Variants in TADA2A observed in about 807,000 individuals in gnomAD.
TADA2A encodes the protein transcriptional adapter 2-alpha.
TADA2A carries 38 observed loss-of-function variants against 67.4 expected under a neutral mutation model. The observed-to-expected ratio is 0.56, with a 90% CI of 0.44 to 0.74. The LOEUF is 0.74. Among genes scored for constraint, TADA2A ranks in the 30% least tolerant of loss-of-function variants. The pLI is 0.00. For synonymous variants in TADA2A, 192 were observed against 181.6 expected (o/e 1.06, Z -0.46); for missense variants, 454 against 547.0 (o/e 0.83, Z 1.70).
chr17:37,455,710 C>A (rs2053373651), intron 8 of TADA2A, among the ~76,000 whole-genome samples: 1 of 152,138 alleles, frequency 6.6e-6, no homozygotes, highest in Non-Finnish European at 1.5e-5. Context: ...ATACACATTT[C>A]ATTTTCAATT....
rs781116439 is a variant in TADA2A, at chr17:37,470,439, A to G, written c.935A>G (p.Glu312Gly). ...TYDHLKKTREEERLKRTMLSE... is the reference protein window; with the variant it reads ...TYDHLKKTREGERLKRTMLSE... ...GATCACCTCAAGAAGACACGGGAGG[A>G]AGAGCGCCTTAAACGCACTATGCTC... The change falls in exon 13 of 16, where the codon GAA becomes GGA. Residue 312 changes from glutamate (E) to glycine (G), a missense_variant. Glu to Gly is a moderately conservative substitution (Grantham distance 98). Coordinates refer to ENST00000615182, the MANE Select transcript of TADA2A (RefSeq NM_001166105.3). 4 of 1,613,588 alleles carry G rather than the reference A, an allele frequency of 2.5e-6. No individual in the cohort carries two copies. The highest frequency in any genetic ancestry group is 2.5e-6 in the Non-Finnish European group (3 of 1,179,890).
rs189618057 is a variant in TADA2A at position 37,451,040 on chromosome 17, T to A, written c.604+6272T>A. 1.7e-3 allele frequency among the ~76,000 whole-genome samples: 253 copies of A among 152,090 alleles called. 1 individual carries two copies. Among genetic ancestry groups the A allele is most frequent in the African/African-American group, 5.0e-3 (208 of 41,508 alleles). On this transcript the variant is annotated intron_variant, in intron 8 of 15. Coordinates refer to ENST00000615182, the MANE Select transcript of TADA2A (RefSeq NM_001166105.3). ...GTATTTATTCAGAGGCTTTTTTTTT[T>A]AAAAGAAACAGAGTCTCATTCTGTT...
At chr17:37,460,654 C>G (rs2053526146) in intron 9 of TADA2A, among the ~76,000 whole-genome samples, 1 of 152,220 alleles carries the variant, frequency 6.6e-6, no homozygotes, top group Non-Finnish European at 1.5e-5. Flanking sequence ...CATACTGGTT[C>G]TTCCTCTCTT....
intron 12 of TADA2A, 117 bp downstream of exon 12, chr17:37,467,642 T>C (rs778815799): frequency 3.9e-5 from 33 of 845,340 alleles, no homozygotes; most frequent in Non-Finnish European, 5.3e-5. Flanking sequence ...TTTACCAGAA[T>C]GCTTTAAACC....
At chr17:37,421,433 T>C (rs2522971) in intron 2 of TADA2A, among the ~76,000 whole-genome samples, 33,712 of 145,556 alleles carry the variant, frequency 0.23, 7,068 homozygotes, top group East Asian at 0.72. Context: ...AAATCCGAAC[T>C]CAAATATAAA....
rs1317674215 is a variant in TADA2A, at chr17:37,470,413, C to T, written c.909C>T (p.Tyr303=). ...CTATACCCCCAGGTGCCAGAACCTACGATCACCTCAAGAAGACACGGGAGG... is the reference window on the plus strand; with the variant it reads ...CTATACCCCCAGGTGCCAGAACCTATGATCACCTCAAGAAGACACGGGAGG... The part of the protein sequence containing the change: ...GITNFCSART[Y]DHLKKTREEE... The change falls in exon 13 of 16, where the codon TAC becomes TAT. Residue 303 remains tyrosine (Y), a synonymous_variant. Transcript: ENST00000615182. 8.1e-6 allele frequency: 13 copies of T among 1,613,540 alleles called. No individual in the cohort carries two copies. Among genetic ancestry groups the T allele is most frequent in the East Asian group, 4.5e-5 (2 of 44,844 alleles).
chr17:37,408,708 C>G (rs1313320103), intron 1 of TADA2A: 1 of 152,182 alleles, frequency 6.6e-6, no homozygotes, highest in Non-Finnish European at 1.5e-5. Flanking sequence ...CCACGGGTAC[C>G]TAGCAAATTG....
intron 1 of TADA2A, among the ~76,000 whole-genome samples, chr17:37,409,945 C>G (rs544329191): frequency 1.4e-4 from 22 of 152,020 alleles, no homozygotes; most frequent in African/African-American, 4.8e-4. Flanking sequence ...GTGGGCGGAT[C>G]ACTTGAGGCC....
chr17:37,410,103 A>G (rs2051814989), intron 1 of TADA2A, among the ~76,000 whole-genome samples: 1 of 151,994 alleles, frequency 6.6e-6, no homozygotes, highest in Non-Finnish European at 1.5e-5. Flanking sequence ...AAAAATGAGA[A>G]CCAAATGGAG....
At chr17:37,467,770 G>T (rs148408240) in intron 12 of TADA2A, among the ~76,000 whole-genome samples, 1 of 152,138 alleles carries the variant, frequency 6.6e-6, no homozygotes, top group Non-Finnish European at 1.5e-5. Context: ...TTAGGATTCT[G>T]CCGAGGCTCT....
At chr17:37,452,522 A>G (rs914391404) in intron 8 of TADA2A, among the ~76,000 whole-genome samples, 1 of 152,222 alleles carries the variant, frequency 6.6e-6, no homozygotes, top group African/African-American at 2.4e-5. Flanking sequence ...CTTAAGAGAT[A>G]GAGTCCACTA....
At chr17:37,412,162 G>T (rs546321059) in intron 2 of TADA2A, among the ~76,000 whole-genome samples, 1 of 150,212 alleles carries the variant, frequency 6.7e-6, no homozygotes, top group South Asian at 2.1e-4. Context: ...AGTGAGCTGA[G>T]ATTGTGCCAC....
intron 15 of TADA2A, among the ~76,000 whole-genome samples, chr17:37,475,580 C>T (rs2053876989): frequency 6.6e-6 from 1 of 152,084 alleles, no homozygotes; most frequent in Non-Finnish European, 1.5e-5. Flanking sequence ...TCAAACGATT[C>T]TCCTGCCCCT....
At chr17:37,459,724 T>C (rs1293005032) in intron 9 of TADA2A, among the ~76,000 whole-genome samples, 3 of 151,094 alleles carry the variant, frequency 2.0e-5, no homozygotes, top group East Asian at 2.0e-4. Flanking sequence ...TCCCAAGTAG[T>C]TAGGACTACA....
intron 10 of TADA2A, among the ~76,000 whole-genome samples, chr17:37,464,077 C>T (rs9909336): frequency 9.1e-4 from 139 of 152,100 alleles, no homozygotes; most frequent in African/African-American, 3.0e-3. Flanking sequence ...AGTAGCAGTT[C>T]GAGAGTTACT....
rs143836210 is a variant in TADA2A at position 37,423,535 on chromosome 17, C to T, written c.52C>T (p.Arg18Ter). 5.6e-6 allele frequency: 9 copies of T among 1,612,406 alleles called. No homozygotes were observed. The highest frequency in any genetic ancestry group is 7.6e-6 in the Non-Finnish European group (9 of 1,179,658). Residue 18 changes from arginine to a stop codon, truncating the protein, a stop_gained, in exon 3 of 16, where the codon CGA becomes TGA. Transcript: ENST00000615182. LOFTEE classifies it high-confidence loss of function. ...SNDPSDKPPCRGCSSYLMEPY... is the reference protein window; with the variant it reads ...SNDPSDKPPC Reference sequence around the variant, plus strand: ...TGATCCCTCTGATAAGCCACCTTGCCGAGGCTGCTCCTCCTACCTCATGGA... The same window carrying T: ...TGATCCCTCTGATAAGCCACCTTGCTGAGGCTGCTCCTCCTACCTCATGGA...
intron 1 of TADA2A, 106 bp from the exon 2 acceptor site, chr17:37,411,163 A>G: frequency 1.7e-6 from 1 of 595,590 alleles, no homozygotes; most frequent in Non-Finnish European, 3.0e-6. Flanking sequence ...ATTTTTCAAC[A>G]TTACAAAGCT....
intron 2 of TADA2A, among the ~76,000 whole-genome samples, chr17:37,420,795 G>A (rs1223035145): frequency 6.8e-6 from 1 of 146,816 alleles, no homozygotes; most frequent in African/African-American, 2.5e-5. Context: ...GGCAAATACT[G>A]TTACAGAATG....
chr17:37,456,186 C>T (rs190484718), intron 8 of TADA2A, among the ~76,000 whole-genome samples: 21 of 152,114 alleles, frequency 1.4e-4, no homozygotes, highest in African/African-American at 5.1e-4. Flanking sequence ...GGCAACAGAG[C>T]GAGACTCCAT....
Sources: gnomAD v4.1 joint callset for allele counts (sites outside exome capture counted in the v4.1 genomes callset) on GRCh38, gnomAD v4.1.1 for gene constraint, MANE v1.5 for transcripts, NCBI Gene and HGNC (gene_info 2026-07-23, HGNC 2026-07-21) for gene names.